CEP85L: variants seen among roughly 807,000 people sequenced by gnomAD.
The protein encoded by CEP85L is centrosomal protein 85L, also known as centrosomal protein of 85 kDa-like.
Under a neutral mutation model 100.3 loss-of-function variants are expected in CEP85L, and 60 were observed. The ratio of observed to expected loss-of-function variants is 0.60; its 90% CI spans 0.49 to 0.74. The LOEUF (loss-of-function observed/expected upper bound fraction) is 0.74, where lower values mean the gene tolerates loss of function less well. Ranked by LOEUF, CEP85L falls within the 30% of genes least tolerant of loss-of-function variation. The probability of loss-of-function intolerance (pLI) is 0.00; values close to 1 mark genes in which losing one functional copy is unlikely to be tolerated. For synonymous variants in CEP85L, 319 were observed against 322.7 expected (o/e 0.99, Z 0.12); for missense variants, 973 against 936.2 (o/e 1.04, Z -0.51).
Position 118,708,536 on chromosome 6 carries a change from A to G in CEP85L, c.-28+1500T>C, listed in dbSNP as rs534464387. Among the ~76,000 whole-genome samples the G allele has an allele frequency of 7.9e-5, 12 of 152,348 alleles. No homozygotes were observed. In the South Asian group the frequency reaches 1.0e-3, roughly 13 times the overall value. On this transcript the variant is annotated intron_variant, in intron 1 of 13. Coordinates refer to the CEP85L transcript ENST00000368488. The stretch of plus-strand genomic sequence containing the variant: ...GAGACAGAATATGAGATACACAATG[A>G]AAAAAGAACTTACTTTTTAGGAAGA...
intron 2 of CEP85L, among the ~76,000 whole-genome samples, chr6:118,617,760 T>C (rs1257923978): frequency 6.6e-6 from 1 of 152,138 alleles, no homozygotes; most frequent in Non-Finnish European, 1.5e-5. Flanking sequence ...GCCACACCAA[T>C]TCTTTGGCGT....
chr6:118,583,146 C>T (rs1393699618), intron 2 of CEP85L, among the ~76,000 whole-genome samples: 2 of 152,170 alleles, frequency 1.3e-5, no homozygotes, highest in Non-Finnish European at 2.9e-5. Context: ...AGGCAGAGGT[C>T]GCTGGGTTCA....
At chr6:118,611,757 G>A (rs746307776) in intron 2 of CEP85L, among the ~76,000 whole-genome samples, 1 of 152,166 alleles carries the variant, frequency 6.6e-6, no homozygotes, top group African/African-American at 2.4e-5. Context: ...CAAAGACAGA[G>A]AGGGACATTA....
intron 1 of CEP85L, among the ~76,000 whole-genome samples, chr6:118,664,245 A>T (rs1437364857): frequency 6.6e-6 from 1 of 152,162 alleles, no homozygotes; most frequent in African/African-American, 2.4e-5. Flanking sequence ...AGTTGGTTGA[A>T]TTCATGGTTG....
At chr6:118,497,096 G>A (rs937898424) in intron 5 of CEP85L, among the ~76,000 whole-genome samples, 14 of 152,122 alleles carry the variant, frequency 9.2e-5, no homozygotes, top group African/African-American at 2.9e-4. Flanking sequence ...AATGGATAGC[G>A]ACCCACTTGT....
chr6:118,666,465 G>A (rs761676256), intron 1 of CEP85L, among the ~76,000 whole-genome samples: 8 of 152,192 alleles, frequency 5.3e-5, no homozygotes, highest in Non-Finnish European at 1.2e-4. Flanking sequence ...ATACCAGGAT[G>A]AATACATGAG....
chr6:118,640,485 T>A (rs553231596), intron 1 of CEP85L, among the ~76,000 whole-genome samples: 6 of 152,280 alleles, frequency 3.9e-5, no homozygotes, highest in African/African-American at 1.4e-4. Flanking sequence ...AGTACCTATA[T>A]TATAGGGTTG....
rs915718337 is a variant in CEP85L, at chr6:118,563,734, C to T, written c.1020+1795G>A. Among the ~76,000 whole-genome samples, 4 of 152,088 alleles carry T rather than the reference C, an allele frequency of 2.6e-5. 1 individual carries two copies. Among genetic ancestry groups the T allele is most frequent in the Admixed American group, 2.0e-4 (3 of 15,270 alleles). On this transcript the variant is annotated intron_variant, in intron 3 of 12. Coordinates refer to ENST00000368491, the MANE Select transcript of CEP85L (RefSeq NM_001042475.3). ...CCAAATTGCTGGGATTACAGGCGTGCGCTACAGTGCCTGGCCAGAAGTCAA... is the reference window on the plus strand; with the variant it reads ...CCAAATTGCTGGGATTACAGGCGTGTGCTACAGTGCCTGGCCAGAAGTCAA...
chr6:118,577,087 C>T (rs1056329840), intron 2 of CEP85L, among the ~76,000 whole-genome samples: 6 of 152,176 alleles, frequency 3.9e-5, no homozygotes, highest in Non-Finnish European at 5.9e-5. Context: ...AAAAGCCCTG[C>T]AGGTCGGCCC....
intron 3 of CEP85L, among the ~76,000 whole-genome samples, chr6:118,531,221 T>C (rs1189110632): frequency 6.6e-6 from 1 of 152,016 alleles, no homozygotes; most frequent in African/African-American, 2.4e-5. Context: ...AACCACCTGA[T>C]TTTCATCAAC....
At chr6:118,703,543 T>C (rs958463094) in intron 1 of CEP85L, among the ~76,000 whole-genome samples, 7 of 152,208 alleles carry the variant, frequency 4.6e-5, no homozygotes, top group African/African-American at 1.7e-4. Flanking sequence ...AAAAACTCAG[T>C]CCTATTTTAT....
At chr6:118,472,120 T>C (rs1449749974) in intron 10 of CEP85L, among the ~76,000 whole-genome samples, 8 of 152,048 alleles carry the variant, frequency 5.3e-5, no homozygotes, top group African/African-American at 1.7e-4. Context: ...ATAATAATGA[T>C]ACATTGTAAC....
chr6:118,699,063 A>G (rs139225807), intron 1 of CEP85L, among the ~76,000 whole-genome samples: 182 of 152,292 alleles, frequency 1.2e-3, no homozygotes, highest in African/African-American at 4.2e-3. Context: ...TGTTCAGCGC[A>G]GTGGACCACT....
intron 4 of CEP85L, among the ~76,000 whole-genome samples, chr6:118,517,900 G>C (rs1220558814): frequency 6.6e-6 from 1 of 152,146 alleles, no homozygotes; most frequent in Non-Finnish European, 1.5e-5. Flanking sequence ...ATTACTTTGA[G>C]ATACACTGCA....
At chr6:118,652,000 G>T, upstream of CEP85L, 1 of 689,246 alleles carries the variant, frequency 1.5e-6, no homozygotes, top group Non-Finnish European at 1.8e-6. Flanking sequence ...AGCCTCCCTT[G>T]GAATTAGGAT....
chr6:118,494,664 T>C (rs1017276671), intron 5 of CEP85L, among the ~76,000 whole-genome samples: 2 of 152,160 alleles, frequency 1.3e-5, no homozygotes, highest in African/African-American at 4.8e-5. Flanking sequence ...GACTGAGACC[T>C]AAACACAGGA....
chr6:118,610,056 T>C (rs1352405932), intron 2 of CEP85L, among the ~76,000 whole-genome samples: 1 of 141,706 alleles, frequency 7.1e-6, no homozygotes, highest in Non-Finnish European at 1.5e-5. Flanking sequence ...GCAATGATAA[T>C]GATGTAAACT....
At chr6:118,543,350 T>G (rs1778018531) in intron 3 of CEP85L, among the ~76,000 whole-genome samples, 1 of 152,184 alleles carries the variant, frequency 6.6e-6, no homozygotes, top group South Asian at 2.1e-4. Context: ...AAGAGTTCAC[T>G]TGTAATAGAA....
chr6:118,551,359 C>T (rs1778533187), intron 3 of CEP85L, among the ~76,000 whole-genome samples: 1 of 149,430 alleles, frequency 6.7e-6, no homozygotes, highest in Non-Finnish European at 1.5e-5. Context: ...AACTCACTCA[C>T]ATTAATAGGG....
Sources: allele counts gnomAD v4.1 joint callset (sites outside exome capture counted in the v4.1 genomes callset), GRCh38; gene constraint gnomAD v4.1.1; transcripts MANE v1.5; gene names NCBI Gene and HGNC (gene_info 2026-07-23, HGNC 2026-07-21).